DLC1: variants seen among roughly 807,000 people sequenced by gnomAD.
The protein encoded by DLC1 is rho GTPase-activating protein 7.
Under a neutral mutation model 140.3 loss-of-function variants are expected in DLC1, and 54 were observed. The ratio of observed to expected loss-of-function variants is 0.38; its 90% confidence interval spans 0.31 to 0.48. The LOEUF (loss-of-function observed/expected upper bound fraction) is 0.48, where lower values mean the gene tolerates loss of function less well. DLC1 is among the 20% of genes least tolerant of loss of function. The pLI is 0.96. For synonymous variants in DLC1, 986 were observed against 728.1 expected, an observed-to-expected ratio of 1.35 and a Z score of -5.70; for missense variants, 2,536 against 1,907.0, an observed-to-expected ratio of 1.33 and a Z score of -6.14.
chr8:13,178,397 C>G (rs1825863527), intron 5 of DLC1, among the ~76,000 whole-genome samples: 1 of 151,960 alleles, frequency 6.6e-6, no homozygotes, highest in Non-Finnish European at 1.5e-5. Flanking sequence ...TCCGTCTCTA[C>G]TAAAAATACA....
At chr8:13,282,656 T>G (rs1027841166) in intron 5 of DLC1, among the ~76,000 whole-genome samples, 4 of 152,194 alleles carry the variant, frequency 2.6e-5, no homozygotes, top group Admixed American at 1.3e-4. Context: ...TTTTATCCTT[T>G]CATTTTTCAC....
At position 13,098,551 on chromosome 8, in the gene DLC1, G is replaced by C; in HGVS notation, c.3015C>G (p.Phe1005Leu). The C allele has an allele frequency of 1.2e-6, 2 of 1,614,152 alleles. No homozygotes were observed. The highest frequency in any genetic ancestry group is 1.1e-5 in the South Asian group (1 of 91,072). Residue 1005 changes from phenylalanine (F) to leucine (L), a missense_variant, in exon 10 of 18, where the codon TTC becomes TTG. By Grantham distance (22) the Phe-to-Leu change is conservative. Transcript: ENST00000276297. ...SNRHRLRWHS[F>L]QSSHRPSLNS... ...TGAGGCTTGGCCGATGTGAGCTCTG[G>C]AAACTGTGCCATCTCAGTCGGTGCC...
intron 1 of DLC1, among the ~76,000 whole-genome samples, chr8:13,570,726 T>C (rs1436538054): frequency 6.6e-6 from 1 of 152,068 alleles, no homozygotes; most frequent in Non-Finnish European, 1.5e-5. Context: ...TCTCTTAACT[T>C]CCCTTTTCAC....
chr8:13,270,563 T>C (rs1830889855), intron 5 of DLC1, among the ~76,000 whole-genome samples: 1 of 152,150 alleles, frequency 6.6e-6, no homozygotes, highest in African/African-American at 2.4e-5. Context: ...CTTGACAAGC[T>C]CATATGCAAG....
chr8:13,591,609 A>G (rs749087096), intron 1 of DLC1, among the ~76,000 whole-genome samples: 5 of 152,082 alleles, frequency 3.3e-5, no homozygotes, highest in Non-Finnish European at 5.9e-5. Flanking sequence ...ACAGACTAAT[A>G]CAGGGGGATA....
At chr8:13,195,866 G>A (rs1036440146) in intron 5 of DLC1, among the ~76,000 whole-genome samples, 2 of 151,726 alleles carry the variant, frequency 1.3e-5, no homozygotes, top group South Asian at 2.1e-4. Context: ...AATGAGCAAG[G>A]GGTCATTATA....
chr8:13,117,596 T>C (rs567295333), intron 5 of DLC1, among the ~76,000 whole-genome samples: 1 of 152,388 alleles, frequency 6.6e-6, no homozygotes, highest in African/African-American at 2.4e-5. Flanking sequence ...AAAAACTCAT[T>C]TCATTTGGCT....
At chr8:13,152,847 A>G (rs1396744618) in intron 5 of DLC1, among the ~76,000 whole-genome samples, 1 of 150,694 alleles carries the variant, frequency 6.6e-6, no homozygotes, top group Non-Finnish European at 1.5e-5. Flanking sequence ...AAAGCAACCA[A>G]CCATAACTTG....
At chr8:13,443,849 G>A (rs1002065948) in intron 2 of DLC1, among the ~76,000 whole-genome samples, 3 of 152,022 alleles carry the variant, frequency 2.0e-5, no homozygotes, top group Non-Finnish European at 2.9e-5. Flanking sequence ...GCTATTAGGC[G>A]GCTGTGTTCC....
intron 5 of DLC1, among the ~76,000 whole-genome samples, chr8:13,187,132 C>T (rs927367199): frequency 7.2e-5 from 10 of 138,896 alleles, no homozygotes; most frequent in Non-Finnish European, 1.4e-4. Flanking sequence ...CCTTCTCCTC[C>T]CCACCTCTTC....
chr8:13,259,139 G>GAAAAAAAAAAAAAA (rs776038964), intron 5 of DLC1, among the ~76,000 whole-genome samples: 2 of 66,626 alleles, frequency 3.0e-5, no homozygotes, highest in African/African-American at 1.1e-4. Context: ...TCCGTCTCAA[G>GAAAAAAAAAAAAAA]AAAAAAAAAA....
At chr8:13,107,169 G>A (rs957499463) in intron 7 of DLC1, among the ~76,000 whole-genome samples, 1 of 152,112 alleles carries the variant, frequency 6.6e-6, no homozygotes, top group Non-Finnish European at 1.5e-5. Flanking sequence ...AAAATCTATA[G>A]TCCCACACTT....
intron 5 of DLC1, 80 bp from the exon 6 acceptor site, chr8:13,115,737 A>G: frequency 6.7e-6 from 9 of 1,342,146 alleles, no homozygotes; most frequent in Non-Finnish European, 9.6e-6. Flanking sequence ...CTTTCGTTTT[A>G]TGATACAAGC....
intron 1 of DLC1, chr8:13,559,475 G>C (rs145467764): frequency 1.3e-5 from 2 of 152,268 alleles, no homozygotes; most frequent in African/African-American, 4.8e-5. Context: ...ATATTTTTAT[G>C]CTTACTTTGA....
intron 16 of DLC1, 59 bp from the exon 17 acceptor site, chr8:13,086,522 T>C (rs953783507): frequency 6.3e-7 from 1 of 1,587,344 alleles, no homozygotes; most frequent in South Asian, 1.1e-5. Flanking sequence ...AAGTTTAAAA[T>C]CGTGCTTCAC....
chr8:13,563,134 A>G (rs1804301205), intron 1 of DLC1, among the ~76,000 whole-genome samples: 1 of 152,162 alleles, frequency 6.6e-6, no homozygotes, highest in Admixed American at 6.6e-5. Flanking sequence ...TATAAAAATT[A>G]TTTGTACTTC....
intron 2 of DLC1, among the ~76,000 whole-genome samples, chr8:13,439,876 A>G (rs1798410309): frequency 6.6e-6 from 1 of 152,168 alleles, no homozygotes; most frequent in Non-Finnish European, 1.5e-5. Flanking sequence ...AGTTTTAAAC[A>G]CAATCGCCTC....
chr8:13,579,335 AT>A, intron 1 of DLC1, among the ~76,000 whole-genome samples: 4 of 18,428 alleles, frequency 2.2e-4, no homozygotes, highest in Non-Finnish European at 3.1e-4. Flanking sequence ...ATATATATAT[AT>A]ATATATATAT....
chr8:13,192,481 C>T (rs1436062795), intron 5 of DLC1, among the ~76,000 whole-genome samples: 1 of 152,152 alleles, frequency 6.6e-6, no homozygotes, highest in Non-Finnish European at 1.5e-5. Context: ...CCCACACATG[C>T]GTACATAGAA....
Sources: allele counts gnomAD v4.1 joint callset (sites outside exome capture counted in the v4.1 genomes callset), GRCh38; gene constraint gnomAD v4.1.1; transcripts MANE v1.5; gene names NCBI Gene and HGNC (gene_info 2026-07-23, HGNC 2026-07-21).